PKD1L1: variants seen among roughly 807,000 people sequenced by gnomAD.
PKD1L1 encodes polycystin 1 like 1, transient receptor potential channel interacting, also known as polycystin-1-like protein 1.
A neutral mutation model predicts 323.4 loss-of-function variants in PKD1L1; 236 were observed. That is an observed-to-expected ratio of 0.73 (90% CI 0.66 to 0.81). PKD1L1 has a LOEUF of 0.81. PKD1L1 is among the 40% of genes least tolerant of loss of function. The pLI is 0.00. For missense variants in PKD1L1, 3,320 were observed against 3,508.0 expected (o/e 0.95, Z 1.35); for synonymous variants, 1,344 against 1,335.0 (o/e 1.01, Z -0.15).
chr7:47,897,915 T>C, intron 14 of PKD1L1, 73 bp downstream of exon 14: 1 of 1,266,626 alleles, frequency 7.9e-7, no homozygotes, highest in African/African-American at 1.5e-5. Context: ...TTCCAAATGC[T>C]GAGCTCTTGC....
upstream of PKD1L1, among the ~76,000 whole-genome samples, chr7:47,950,159 G>GA (rs1042614816): frequency 1.3e-5 from 2 of 152,180 alleles, no homozygotes; most frequent in African/African-American, 4.8e-5. Context: ...GATTTGCTCT[G>GA]ACACCTTCCT....
At chr7:47,796,443 TGTAAA>T (rs1784534826) in intron 54 of PKD1L1, among the ~76,000 whole-genome samples, 1 of 152,200 alleles carries the variant, frequency 6.6e-6, no homozygotes, top group Non-Finnish European at 1.5e-5. Context: ...CATGCCCATA[TGTAAA>T]GTCTGTGTCT....
intron 17 of PKD1L1, among the ~76,000 whole-genome samples, chr7:47,886,998 G>A (rs188205446): frequency 2.5e-4 from 38 of 152,252 alleles, no homozygotes; most frequent in African/African-American, 6.7e-4. Flanking sequence ...CCAATTCTTT[G>A]AGACATATCT....
At chr7:47,867,862 G>C (rs1786200465) in intron 24 of PKD1L1, among the ~76,000 whole-genome samples, 1 of 152,010 alleles carries the variant, frequency 6.6e-6, no homozygotes, top group Non-Finnish European at 1.5e-5. Context: ...TTTGAGAAAA[G>C]AAAGAATCTA....
chr7:47,808,313 A>G lies in PKD1L1; in HGVS notation c.7761T>C (p.Thr2587=). Residue 2587 remains threonine (T), a synonymous_variant, in exon 52 of 57, where the codon ACT becomes ACC. Transcript: ENST00000289672. ...GGCAAAGTCCTCTGTGAAACTGGTTAGTGACATCTCCAGCAAGAGTAACAA... is the reference window on the plus strand; with the variant it reads ...GGCAAAGTCCTCTGTGAAACTGGTTGGTGACATCTCCAGCAAGAGTAACAA... ...GHLVTLAGDV[T]NQFHRGLCRA... 1 of 1,614,156 alleles carries G rather than the reference A, an allele frequency of 6.2e-7. No homozygotes were observed. Among genetic ancestry groups the G allele is most frequent in the Non-Finnish European group, 8.5e-7 (1 of 1,180,020 alleles).
chr7:47,863,458 C>T (rs987848198), intron 26 of PKD1L1, among the ~76,000 whole-genome samples: 1 of 151,828 alleles, frequency 6.6e-6, no homozygotes, highest in Admixed American at 6.6e-5. Flanking sequence ...ATCTAGGAGG[C>T]CCAAGACAAA....
At chr7:47,948,723 C>CAA (rs1583699154), upstream of PKD1L1, among the ~76,000 whole-genome samples, 3 of 152,230 alleles carry the variant, frequency 2.0e-5, no homozygotes, top group East Asian at 5.8e-4. Context: ...TTTGGGAGGC[C>CAA]AAGGTGGGTG....
intron 7 of PKD1L1, among the ~76,000 whole-genome samples, chr7:47,927,673 G>C (rs1423255342): frequency 2.0e-5 from 3 of 152,160 alleles, no homozygotes; most frequent in African/African-American, 7.2e-5. Context: ...TGACAAGGAT[G>C]AACCTAATAA....
intron 53 of PKD1L1, among the ~76,000 whole-genome samples, chr7:47,801,256 CT>C (rs1350609492): frequency 6.6e-6 from 1 of 152,166 alleles, no homozygotes; most frequent in Non-Finnish European, 1.5e-5. Context: ...CCCTCATGAT[CT>C]TTATGTCCCC....
chr7:47,860,472 C>T (rs565572540), intron 26 of PKD1L1, among the ~76,000 whole-genome samples: 39 of 152,242 alleles, frequency 2.6e-4, no homozygotes, highest in African/African-American at 8.7e-4. Context: ...TTTCTATTGG[C>T]CAGGCTTATT....
At chr7:47,841,308 T>A (rs924263090) in intron 34 of PKD1L1, among the ~76,000 whole-genome samples, 2 of 152,234 alleles carry the variant, frequency 1.3e-5, no homozygotes, top group African/African-American at 2.4e-5. Context: ...TTGTAAGACC[T>A]CTAGTCTTCC....
chr7:47,834,220 T>A (rs979889682), intron 40 of PKD1L1, 119 bp downstream of exon 40: 1 of 1,006,124 alleles, frequency 9.9e-7, no homozygotes, highest in Admixed American at 2.1e-5. Flanking sequence ...CCTGTGTCCG[T>A]CTCACCTTGA....
At chr7:47,922,452 G>C (rs143715679) in intron 7 of PKD1L1, among the ~76,000 whole-genome samples, 1 of 151,040 alleles carries the variant, frequency 6.6e-6, no homozygotes, top group African/African-American at 2.4e-5. Context: ...CCGTCATCCC[G>C]TCTAGGAAGT....
At position 47,854,933 on chromosome 7, in the gene PKD1L1, A is replaced by G. The variant is rs1017429596; in HGVS notation, c.4808T>C (p.Ile1603Thr). 49 of 1,613,990 alleles carry G rather than the reference A, an allele frequency of 3.0e-5. No homozygotes were observed. The highest frequency in any genetic ancestry group is 3.8e-5 in the Non-Finnish European group (45 of 1,180,028). The change falls in exon 30 of 57, where the codon ATT (isoleucine) becomes ACT (threonine). Residue 1603 changes from isoleucine (I) to threonine (T), a missense_variant. Coordinates refer to ENST00000289672, the MANE Select transcript of PKD1L1 (RefSeq NM_138295.5). ...ENPQESLQIE[I>T]EFSKPVTRAF... is the part of the protein sequence containing the mutation. ...CCTTGTAACAGGTTTGGAAAATTCA[A>G]TTTCTATCTGTAGAGATTCCTGGGG...
chr7:47,850,410 T>A (rs1043599012), intron 31 of PKD1L1, among the ~76,000 whole-genome samples: 1 of 152,112 alleles, frequency 6.6e-6, no homozygotes, highest in Non-Finnish European at 1.5e-5. Flanking sequence ...GGAGGATGGA[T>A]GACCCGAGGT....
At chr7:47,924,681 G>A (rs986009234) in intron 7 of PKD1L1, among the ~76,000 whole-genome samples, 14 of 152,154 alleles carry the variant, frequency 9.2e-5, no homozygotes, top group African/African-American at 3.4e-4. Context: ...CAAGTATAAT[G>A]ATAAACCTAA....
intron 24 of PKD1L1, among the ~76,000 whole-genome samples, chr7:47,873,649 C>CAAAAAAA (rs57012071): frequency 1.3e-5 from 1 of 78,088 alleles, no homozygotes; most frequent in Admixed American, 1.5e-4. Context: ...GACTCTGTCT[C>CAAAAAAA]AAAAAAAAAA....
intron 21 of PKD1L1, among the ~76,000 whole-genome samples, chr7:47,879,672 G>A (rs368206397): frequency 7.3e-6 from 1 of 137,764 alleles, no homozygotes; most frequent in Non-Finnish European, 1.5e-5. Context: ...GGTGGCTCAC[G>A]CCTGTAATCC....
Position 47,884,661 on chromosome 7 carries a change from TAAG to T in PKD1L1, c.3206-7_3206-5del. 1 of 1,611,258 alleles carries T rather than the reference TAAG, an allele frequency of 6.2e-7. No individual in the cohort carries two copies. The highest frequency in any genetic ancestry group is 1.1e-5 in the South Asian group (1 of 91,038). On this transcript the variant is annotated splice_region_variant and splice_polypyrimidine_tract_variant and intron_variant, in intron 18 of 56. Transcript: ENST00000289672. ...TCACTGTAATAGGCTTCAAAATCTATAAGAAAGGACAAAATCATAATGTTTCCT... is the reference window on the plus strand; with the variant it reads ...TCACTGTAATAGGCTTCAAAATCTATAAAGGACAAAATCATAATGTTTCCT...
Sources: allele counts gnomAD v4.1 joint callset (sites outside exome capture counted in the v4.1 genomes callset), GRCh38; gene constraint gnomAD v4.1.1; transcripts MANE v1.5; gene names NCBI Gene and HGNC (gene_info 2026-07-23, HGNC 2026-07-21).